The following CELF4 variants were observed in gnomAD, a reference collection of about 807,000 sequenced individuals.
The protein encoded by CELF4 is CUG-BP- and ETR-3-like factor 4.
A neutral mutation model predicts 59.9 loss-of-function variants in CELF4; 18 were observed. The observed-to-expected ratio is 0.30, with a 90% CI of 0.21 to 0.45. The LOEUF is 0.45. Among genes scored for constraint, CELF4 ranks in the 20% least tolerant of loss-of-function variants. The probability of loss-of-function intolerance (pLI) is 1.00; values close to 1 mark genes in which losing one functional copy is unlikely to be tolerated. For missense variants in CELF4, 456 were observed against 689.0 expected, an observed-to-expected ratio of 0.66 and a Z score of 3.79; for synonymous variants, 261 against 267.1, an observed-to-expected ratio of 0.98 and a Z score of 0.22.
At chr18:37,337,905 CTGTGTTTAACCTGACCCCCGCCCCA>C (rs1331666003) in intron 2 of CELF4, among the ~76,000 whole-genome samples, 1 of 152,238 alleles carries the variant, frequency 6.6e-6, no homozygotes, top group African/African-American at 2.4e-5. Context: ...AAATGCCTGT[CTGTGTTTAACCTGACCCCCGCCCCA>C]TGTTTGCAAC....
intron 2 of CELF4, among the ~76,000 whole-genome samples, chr18:37,478,828 T>C (rs1199884042): frequency 6.6e-6 from 1 of 152,164 alleles, no homozygotes; most frequent in Non-Finnish European, 1.5e-5. Flanking sequence ...TTCCCTTCTG[T>C]ATAATGAGCC....
chr18:37,311,194 TC>T (rs2096634627), intron 3 of CELF4, among the ~76,000 whole-genome samples: 1 of 152,168 alleles, frequency 6.6e-6, no homozygotes, highest in Non-Finnish European at 1.5e-5. Context: ...CAACACCCCC[TC>T]CCACAGCTGA....
At chr18:37,507,302 T>C (rs571938367) in intron 1 of CELF4, among the ~76,000 whole-genome samples, 1 of 152,260 alleles carries the variant, frequency 6.6e-6, no homozygotes, top group Admixed American at 6.5e-5. Flanking sequence ...CTTAGATGGG[T>C]GCATTTGTAT....
chr18:37,421,098 C>T (rs1173806477), intron 2 of CELF4, among the ~76,000 whole-genome samples: 2 of 152,164 alleles, frequency 1.3e-5, no homozygotes, highest in Admixed American at 1.3e-4. Context: ...CTTCCCCATC[C>T]CCTCCCCAAC....
At chr18:37,399,239 A>G (rs1432735881) in intron 2 of CELF4, among the ~76,000 whole-genome samples, 1 of 152,138 alleles carries the variant, frequency 6.6e-6, no homozygotes, top group Non-Finnish European at 1.5e-5. Flanking sequence ...TTAGGTCATG[A>G]GGGGTCTGTC....
chr18:37,408,154 C>G (rs1262731790), intron 2 of CELF4, among the ~76,000 whole-genome samples: 2 of 152,138 alleles, frequency 1.3e-5, no homozygotes, highest in African/African-American at 2.4e-5. Context: ...CACCGCCCTC[C>G]TCTCTCCCAT....
chr18:37,441,009 G>T (rs1246076347), intron 2 of CELF4, among the ~76,000 whole-genome samples: 3 of 152,174 alleles, frequency 2.0e-5, no homozygotes, highest in Non-Finnish European at 4.4e-5. Flanking sequence ...TATTTTTGTT[G>T]TCAACGTTAC....
intron 1 of CELF4, among the ~76,000 whole-genome samples, chr18:37,535,018 A>C (rs905319216): frequency 6.6e-6 from 1 of 152,210 alleles, no homozygotes; most frequent in African/African-American, 2.4e-5. Context: ...GCTGACGGAA[A>C]GCTGTCCTCT....
At chr18:37,322,375 T>C (rs1361552192) in intron 2 of CELF4, among the ~76,000 whole-genome samples, 1 of 152,210 alleles carries the variant, frequency 6.6e-6, no homozygotes, top group Non-Finnish European at 1.5e-5. Flanking sequence ...AAGTGGCCTA[T>C]GGGTCAGGCG....
chr18:37,336,897 C>A (rs966183006), intron 2 of CELF4, among the ~76,000 whole-genome samples: 7 of 151,686 alleles, frequency 4.6e-5, no homozygotes, highest in Non-Finnish European at 1.0e-4. Context: ...GTCACCCCAA[C>A]CCCCGGCGGG....
chr18:37,535,764 G>T (rs947891822), intron 1 of CELF4, among the ~76,000 whole-genome samples: 1 of 152,200 alleles, frequency 6.6e-6, no homozygotes, highest in South Asian at 2.1e-4. Context: ...GCATGCTCAG[G>T]TGAGCCCTGC....
chr18:37,372,123 A>G (rs570048462), intron 2 of CELF4, among the ~76,000 whole-genome samples: 3 of 152,346 alleles, frequency 2.0e-5, no homozygotes, highest in African/African-American at 7.2e-5. Context: ...CAGCCATCCC[A>G]CTACTGGGTA....
chr18:37,552,550 C>A (rs1001560357), intron 1 of CELF4, among the ~76,000 whole-genome samples: 2 of 152,242 alleles, frequency 1.3e-5, no homozygotes, highest in African/African-American at 4.8e-5. Flanking sequence ...ATGCTCTCCT[C>A]CTGGCTGTGT....
intron 12 of CELF4, among the ~76,000 whole-genome samples, chr18:37,252,511 G>T (rs2066115422): frequency 6.6e-6 from 1 of 151,634 alleles, no homozygotes; most frequent in Non-Finnish European, 1.5e-5. Flanking sequence ...TGGCCTTCAA[G>T]GCCCCACACC....
At chr18:37,347,941 C>T (rs2098325221) in intron 2 of CELF4, among the ~76,000 whole-genome samples, 1 of 152,162 alleles carries the variant, frequency 6.6e-6, no homozygotes, top group African/African-American at 2.4e-5. Flanking sequence ...ATACCTCCCA[C>T]GTTCCCAGCT....
intron 1 of CELF4, among the ~76,000 whole-genome samples, chr18:37,561,733 T>G (rs933759449): frequency 6.6e-6 from 1 of 152,194 alleles, no homozygotes; most frequent in Non-Finnish European, 1.5e-5. Context: ...AGAATTGGAC[T>G]ACTGGGTGAC....
At chr18:37,443,486 G>A (rs922930942) in intron 2 of CELF4, among the ~76,000 whole-genome samples, 15 of 152,168 alleles carry the variant, frequency 9.9e-5, no homozygotes, top group Non-Finnish European at 1.8e-4. Flanking sequence ...CCCCACCACC[G>A]AAGTGTGTGC....
rs1047747721 is a variant in CELF4 at position 37,548,953 on chromosome 18, C to T, written c.286+16403G>A. The stretch of plus-strand genomic sequence containing the variant: ...CCACCCCTGAATGATCAGGGCCAAG[C>T]TGGAGGGGCCTGTGCATGAGCCCCA... On this transcript the variant is annotated intron_variant, in intron 1 of 12. Transcript: ENST00000420428. Among the ~76,000 whole-genome samples the T allele has an allele frequency of 5.3e-5, 8 of 152,340 alleles. No individual in the cohort carries two copies. The East Asian group carries it at 1.5e-3, about 29-fold the overall frequency.
rs200923728 is a variant in CELF4 at position 37,565,673 on chromosome 18, C to T, written c.-32G>A. On this transcript the variant is annotated 5_prime_UTR_variant, in exon 1 of 13. Transcript: ENST00000420428. ...AATCTTCTTTCCTTTTATTCTTTCTCGCTCACACTCTCTCGCTCCTCTCTC... is the reference window on the plus strand; with the variant it reads ...AATCTTCTTTCCTTTTATTCTTTCTTGCTCACACTCTCTCGCTCCTCTCTC... The T allele has an allele frequency of 6.5e-7, 1 of 1,537,366 alleles. No individual in the cohort carries two copies. The highest frequency in any genetic ancestry group is 8.8e-7 in the Non-Finnish European group (1 of 1,142,616).
Sources: gnomAD v4.1 joint callset for allele counts (sites outside exome capture counted in the v4.1 genomes callset) on GRCh38, gnomAD v4.1.1 for gene constraint, MANE v1.5 for transcripts, NCBI Gene and HGNC (gene_info 2026-07-23, HGNC 2026-07-21) for gene names.